The following GNAS-AS1 variants were observed in gnomAD, a reference collection of about 807,000 sequenced individuals.
The protein encoded by GNAS-AS1 is GNAS antisense RNA 1, also known as GNAS antisense RNA 1 (non-protein coding).
chr20:58,830,616 A>C, intron 4 of GNAS-AS1, among the ~76,000 whole-genome samples: 1 of 118,026 alleles, frequency 8.5e-6, no homozygotes, highest in Non-Finnish European at 1.8e-5. Context: ...TCACCACCAC[A>C]CCACCATCAC....
chr20:58,839,845 G>A (rs2085653877), intron 4 of GNAS-AS1: 1 of 595,478 alleles, frequency 1.7e-6, no homozygotes, highest in Non-Finnish European at 3.0e-6. Context: ...GAGCCCGGGA[G>A]GAGACAGAAC....
Position 58,840,630 on chromosome 20 carries a change from C to A in GNAS-AS1, n.819+1307G>T. ...AAGTTGCGAAGCCCCGACGCCTCCC[C>A]AAGTCGCGCGCCGCCCAGCACTCAG... On this transcript the variant is annotated intron_variant and non_coding_transcript_variant, in intron 4 of 4. Transcript: ENST00000424094. The surrounding 1 kb of genome is among the most constrained non-coding windows in gnomAD (Gnocchi z 6.0). 6.2e-7 allele frequency: 1 copy of A among 1,606,794 alleles called. No homozygotes were observed. The highest frequency in any genetic ancestry group is 1.3e-5 in the African/African-American group (1 of 74,928).
At chr20:58,837,295 G>A (rs963949483) in intron 4 of GNAS-AS1, among the ~76,000 whole-genome samples, 3 of 152,106 alleles carry the variant, frequency 2.0e-5, no homozygotes, top group Non-Finnish European at 4.4e-5. Flanking sequence ...CTCTGGAAAC[G>A]TGCCCCATTA....
chr20:58,839,262 T>A, intron 4 of GNAS-AS1: 1 of 398,650 alleles, frequency 2.5e-6, no homozygotes, highest in Non-Finnish European at 4.4e-6. Flanking sequence ...CTATAACAGA[T>A]CTGCTAAAGG....
At chr20:58,833,231 T>A (rs2085579180) in intron 4 of GNAS-AS1, among the ~76,000 whole-genome samples, 1 of 152,230 alleles carries the variant, frequency 6.6e-6, no homozygotes, top group Non-Finnish European at 1.5e-5. Context: ...CCGGAAAGTC[T>A]TCTCTTGCTC....
intron 4 of GNAS-AS1, chr20:58,839,524 G>C (rs1376769726): frequency 2.0e-5 from 8 of 403,960 alleles, no homozygotes; most frequent in Non-Finnish European, 3.5e-5. Flanking sequence ...CTAGCTTGCC[G>C]CTTGCTCCTT....
At chr20:58,839,423 CTG>C (rs2085644886) in intron 4 of GNAS-AS1, 3 of 399,766 alleles carry the variant, frequency 7.5e-6, no homozygotes, top group African/African-American at 4.1e-5. Flanking sequence ...TGCTCCCAGG[CTG>C]TGTTTATTTC....
chr20:58,835,696 T>A (rs1372551916), intron 4 of GNAS-AS1, among the ~76,000 whole-genome samples: 1 of 152,230 alleles, frequency 6.6e-6, no homozygotes. Context: ...TGATGTTGGA[T>A]GGCAGGAATT....
chr20:58,836,342 A>G (rs1213612374), intron 4 of GNAS-AS1: 1 of 152,150 alleles, frequency 6.6e-6, no homozygotes, highest in African/African-American at 2.4e-5. Flanking sequence ...TGCTACAACT[A>G]CCACCGATAG....
intron 4 of GNAS-AS1, chr20:58,839,742 C>A: frequency 1.9e-6 from 1 of 513,954 alleles, no homozygotes; most frequent in Admixed American, 3.7e-5. Flanking sequence ...CGTCCCTCCT[C>A]GCCTCAGTCT....
At position 58,840,617 on chromosome 20, in the gene GNAS-AS1, C is replaced by T. The variant is rs898544242; in HGVS notation, n.819+1320G>A. ...TCTGCACGCTCTCAAGTTGCGAAGC[C>T]CCGACGCCTCCCCAAGTCGCGCGCC... On this transcript the variant is annotated intron_variant and non_coding_transcript_variant, in intron 4 of 4. Coordinates refer to ENST00000424094, the Ensembl canonical transcript of GNAS-AS1. The surrounding 1 kb of genome is among the most constrained non-coding windows in gnomAD (Gnocchi z 6.0). The T allele has an allele frequency of 1.2e-6, 2 of 1,608,196 alleles. No homozygotes were observed. The highest frequency in any genetic ancestry group is 1.3e-5 in the African/African-American group (1 of 74,940).
At chr20:58,830,397 TCACTGCCACAC>T (rs2085552398) in intron 4 of GNAS-AS1, among the ~76,000 whole-genome samples, 2 of 30,502 alleles carry the variant, frequency 6.6e-5, no homozygotes, top group African/African-American at 2.7e-4. Flanking sequence ...ACCACCACCA[TCACTGCCACAC>T]CACCATCACC....
At chr20:58,845,171 C>T (rs745464944) in intron 2 of GNAS-AS1, among the ~76,000 whole-genome samples, 8 of 152,068 alleles carry the variant, frequency 5.3e-5, no homozygotes, top group African/African-American at 1.5e-4. Flanking sequence ...CTGTGGGGGA[C>T]GGCAGACTGA....
intron 4 of GNAS-AS1, chr20:58,839,656 G>C: frequency 2.3e-6 from 1 of 426,734 alleles, no homozygotes. Flanking sequence ...GCAGCTCGCG[G>C]GGAGGTGGCC....
rs143549225 is a variant in GNAS-AS1 at position 58,840,504 on chromosome 20, C to T, written n.819+1433G>A. The T allele has an allele frequency of 6.1e-5, 98 of 1,613,204 alleles. No homozygotes were observed. Among genetic ancestry groups the T allele is most frequent in the Non-Finnish European group, 7.9e-5 (93 of 1,179,776 alleles). On this transcript the variant is annotated intron_variant and non_coding_transcript_variant, in intron 4 of 4. Transcript: ENST00000424094. The surrounding 1 kb of genome is among the most constrained non-coding windows in gnomAD (Gnocchi z 6.0). ...TTCGAGACCGAGCCTGAGACCGCCC[C>T]CACCACTGAGCCCGAGACCGAGCCT... is the stretch of plus-strand genomic sequence containing the variant.
intron 4 of GNAS-AS1, chr20:58,824,095 G>C (rs1452901614): frequency 2.5e-6 from 1 of 398,520 alleles, no homozygotes; most frequent in Non-Finnish European, 4.4e-6. Flanking sequence ...CATGAAGAAC[G>C]AACTGTTAGG....
chr20:58,839,977 G>T, intron 4 of GNAS-AS1: 2 of 967,952 alleles, frequency 2.1e-6, no homozygotes. Flanking sequence ...AAGGAGGTGA[G>T]GCTGGGACCT....
intron 1 of GNAS-AS1, among the ~76,000 whole-genome samples, chr20:58,849,252 G>A (rs1053368971): frequency 1.3e-5 from 2 of 152,134 alleles, no homozygotes; most frequent in Non-Finnish European, 2.9e-5. Flanking sequence ...CCAGTGCAGA[G>A]GCTAAAACAC....
rs1180511526 is a variant in GNAS-AS1, at chr20:58,830,318, CCAT to C, written n.820-11066_820-11064del. On this transcript the variant is annotated intron_variant and non_coding_transcript_variant, in intron 4 of 4. Coordinates refer to ENST00000424094, the Ensembl canonical transcript of GNAS-AS1. ...CACCACCATCACCACCACCACCACACCATCATCATCACCACCACCATCACCACC... is the reference window on the plus strand; with the variant it reads ...CACCACCATCACCACCACCACCACACCATCATCACCACCACCATCACCACC... Among the ~76,000 whole-genome samples, 35 of 139,112 alleles carry C rather than the reference CCAT, an allele frequency of 2.5e-4. No individual in the cohort carries two copies. The South Asian group carries it at 4.4e-3, about 17-fold the overall frequency. 91.3% of individuals were successfully genotyped at this position (139,112 alleles called of 152,430 possible). A position where few individuals can be genotyped will look rare whatever the true frequency, so the allele number is the denominator to read the frequency against.
Sources: gnomAD v4.1 joint callset for allele counts (sites outside exome capture counted in the v4.1 genomes callset) on GRCh38, gnomAD v4.1.1 for gene constraint, Gnocchi (gnomAD v3.1) non-coding constraint, MANE v1.5 for transcripts, NCBI Gene and HGNC (gene_info 2026-07-23, HGNC 2026-07-21) for gene names.